FOXP1: variants seen among roughly 807,000 people sequenced by gnomAD.
FOXP1 encodes forkhead box protein P1.
A neutral mutation model predicts 98.2 loss-of-function variants in FOXP1; 15 were observed. That is an observed-to-expected ratio of 0.15 (90% CI 0.10 to 0.24). The LOEUF is 0.24. Among genes scored for constraint, FOXP1 ranks in the 10% least tolerant of loss-of-function variants. The pLI is 1.00. For synonymous variants in FOXP1, 371 were observed against 314.5 expected (o/e 1.18, Z -1.90); for missense variants, 633 against 848.5 (o/e 0.75, Z 3.15).
At chr3:71,096,875 A>C (rs1442920748) in intron 7 of FOXP1, among the ~76,000 whole-genome samples, 2 of 152,146 alleles carry the variant, frequency 1.3e-5, no homozygotes, top group Non-Finnish European at 2.9e-5. Context: ...CAAAATACCC[A>C]AAAAATTACT....
intron 2 of FOXP1, chr3:71,572,139 A>C (rs553558905): frequency 2.0e-5 from 3 of 152,244 alleles, no homozygotes; most frequent in Non-Finnish European, 4.4e-5. Context: ...GCTAAGTTCC[A>C]AGCCAAGTCT....
chr3:71,409,761 C>G (rs1304248675), intron 3 of FOXP1, among the ~76,000 whole-genome samples: 2 of 152,270 alleles, frequency 1.3e-5, no homozygotes, highest in Middle Eastern at 3.4e-3. Context: ...GTGCAGTAAT[C>G]CCAGCACTTT....
chr3:71,416,826 A>G (rs368922330), intron 3 of FOXP1, among the ~76,000 whole-genome samples: 2 of 152,164 alleles, frequency 1.3e-5, no homozygotes, highest in South Asian at 2.1e-4. Context: ...GTGGCCGCAT[A>G]GAAGGAGAAG....
chr3:71,582,500 A>G (rs1458432106), intron 1 of FOXP1: 2 of 985,254 alleles, frequency 2.0e-6, no homozygotes, highest in Admixed American at 1.2e-4. Context: ...CGCGCAAGCG[A>G]GGGACGGAGA....
At chr3:71,291,099 G>A (rs924852193) in intron 5 of FOXP1, among the ~76,000 whole-genome samples, 2 of 152,048 alleles carry the variant, frequency 1.3e-5, no homozygotes, top group African/African-American at 2.4e-5. Flanking sequence ...TTTCTCTACA[G>A]TATCTATCAC....
intron 9 of FOXP1, among the ~76,000 whole-genome samples, chr3:71,050,209 A>G (rs1297779649): frequency 2.0e-5 from 3 of 152,168 alleles, no homozygotes; most frequent in East Asian, 1.9e-4. Context: ...GACAACAGCA[A>G]TTTGGGAGAG....
At chr3:71,227,457 A>G (rs2065930438) in intron 5 of FOXP1, among the ~76,000 whole-genome samples, 1 of 152,208 alleles carries the variant, frequency 6.6e-6, no homozygotes. Flanking sequence ...TCTAAGGTCC[A>G]GCTTAGTCTA....
At chr3:71,160,009 G>T (rs2061052781) in intron 6 of FOXP1, among the ~76,000 whole-genome samples, 1 of 152,170 alleles carries the variant, frequency 6.6e-6, no homozygotes, top group Non-Finnish European at 1.5e-5. Flanking sequence ...CAAGGATTCT[G>T]TTCACTTCCT....
At chr3:71,529,295 TGAAA>T (rs1321847628) in intron 2 of FOXP1, among the ~76,000 whole-genome samples, 17 of 152,354 alleles carry the variant, frequency 1.1e-4, no homozygotes, top group Admixed American at 1.0e-3. Context: ...AGTCAAAATT[TGAAA>T]GAAAGTACTA....
intron 11 of FOXP1, among the ~76,000 whole-genome samples, chr3:71,034,139 A>T (rs1483899445): frequency 6.6e-6 from 1 of 152,136 alleles, no homozygotes; most frequent in African/African-American, 2.4e-5. Context: ...GCCAGCAAAA[A>T]GATGAGGTGG....
At chr3:71,041,254 T>C in intron 11 of FOXP1, 74 bp downstream of exon 11, 4 of 1,140,434 alleles carry the variant, frequency 3.5e-6, no homozygotes, top group Non-Finnish European at 5.3e-6. Flanking sequence ...ATCACTGAGA[T>C]ATGACGAGGC....
chr3:71,244,526 A>T (rs963266177), intron 5 of FOXP1, among the ~76,000 whole-genome samples: 1 of 151,852 alleles, frequency 6.6e-6, no homozygotes, highest in Admixed American at 6.6e-5. Context: ...ATAGAAGAAG[A>T]AAAAGAAAAA....
intron 4 of FOXP1, among the ~76,000 whole-genome samples, chr3:71,354,265 G>A (rs1326822720): frequency 2.0e-5 from 3 of 150,086 alleles, no homozygotes; most frequent in Non-Finnish European, 4.5e-5. Flanking sequence ...GTGACAGAGC[G>A]AGACTCCGTC....
intron 5 of FOXP1, among the ~76,000 whole-genome samples, chr3:71,201,806 A>G (rs972357511): frequency 2.0e-5 from 3 of 152,100 alleles, no homozygotes; most frequent in Non-Finnish European, 2.9e-5. Context: ...AAAAATATGT[A>G]TATATATAGA....
At chr3:71,467,156 C>G (rs1560526183) in intron 3 of FOXP1, among the ~76,000 whole-genome samples, 1 of 152,122 alleles carries the variant, frequency 6.6e-6, no homozygotes, top group African/African-American at 2.4e-5. Flanking sequence ...AACAAACATA[C>G]ACGTATATAT....
chr3:71,425,280 T>C (rs932327442), intron 3 of FOXP1, among the ~76,000 whole-genome samples: 2 of 152,128 alleles, frequency 1.3e-5, no homozygotes, highest in Non-Finnish European at 2.9e-5. Context: ...CACACCCGGC[T>C]AATTATTTGT....
At chr3:71,122,482 G>A (rs371646629) in intron 6 of FOXP1, among the ~76,000 whole-genome samples, 11 of 152,084 alleles carry the variant, frequency 7.2e-5, no homozygotes, top group Non-Finnish European at 1.5e-4. Flanking sequence ...AAGTTATTTC[G>A]AATAGCTAAG....
intron 2 of FOXP1, among the ~76,000 whole-genome samples, chr3:71,521,794 A>T (rs2107457248): frequency 6.6e-6 from 1 of 152,314 alleles, no homozygotes; most frequent in African/African-American, 2.4e-5. Context: ...CTCCCACAGC[A>T]ACAACAGGGT....
At chr3:71,386,741 C>CAAAAAA (rs5850010) in intron 3 of FOXP1, among the ~76,000 whole-genome samples, 1 of 90,962 alleles carries the variant, frequency 1.1e-5, no homozygotes, top group Non-Finnish European at 2.0e-5. Context: ...GATTCCGTCT[C>CAAAAAA]AAAAAAAAAA....
Sources: gnomAD v4.1 joint callset for allele counts (sites outside exome capture counted in the v4.1 genomes callset) on GRCh38, gnomAD v4.1.1 for gene constraint, MANE v1.5 for transcripts, NCBI Gene and HGNC (gene_info 2026-07-23, HGNC 2026-07-21) for gene names.